The following ASTN1 variants were observed in gnomAD, a reference collection of about 807,000 sequenced individuals.
ASTN1 encodes astrotactin 1.
A neutral mutation model predicts 140.7 loss-of-function variants in ASTN1; 41 were observed. The ratio of observed to expected loss-of-function variants is 0.29; its 90% CI spans 0.23 to 0.38. The LOEUF is 0.38. Among genes scored for constraint, ASTN1 ranks in the 10% least tolerant of loss-of-function variants. The probability of loss-of-function intolerance (pLI) is 1.00; values close to 1 mark genes in which losing one functional copy is unlikely to be tolerated. For synonymous variants in ASTN1, 640 were observed against 652.2 expected (o/e 0.98, Z 0.29); for missense variants, 1,479 against 1,678.8 (o/e 0.88, Z 2.08).
At chr1:176,909,279 A>G (rs1557952014) in intron 16 of ASTN1, among the ~76,000 whole-genome samples, 1 of 152,208 alleles carries the variant, frequency 6.6e-6, no homozygotes, top group African/African-American at 2.4e-5. Flanking sequence ...GTTGGTGACA[A>G]TGGGCTTCCA....
chr1:177,164,589 A>G lies in ASTN1; in HGVS notation c.88T>C (p.Ser30Pro), dbSNP rs1446244044. 1 of 1,613,320 alleles carries G rather than the reference A, an allele frequency of 6.2e-7. No individual in the cohort carries two copies. The highest frequency in any genetic ancestry group is 1.3e-5 in the African/African-American group (1 of 74,812). ...LATAAGDVDP[S>P]KELECKLKSI... Reference sequence around the variant, plus strand: ...TTGAGCTTGCACTCCAGCTCCTTGGATGGATCCACGTCGCCGGCGGCCGTG... The same window carrying G: ...TTGAGCTTGCACTCCAGCTCCTTGGGTGGATCCACGTCGCCGGCGGCCGTG... Residue 30 changes from serine to proline, a missense_variant, in exon 1 of 23, where the codon TCC becomes CCC. By Grantham distance (74) the Ser-to-Pro change is moderately conservative. Around this residue, in one of 3 missense-constraint regions of ASTN1, gnomAD observed 729 missense variants for 860.4 expected, o/e 0.85. Coordinates refer to ENST00000361833, the MANE Select transcript of ASTN1 (RefSeq NM_004319.3).
chr1:177,025,810 T>G (rs1676079902), intron 5 of ASTN1, among the ~76,000 whole-genome samples: 1 of 152,174 alleles, frequency 6.6e-6, no homozygotes, highest in African/African-American at 2.4e-5. Context: ...AATTAACACT[T>G]ATGAAGTGAT....
chr1:176,872,194 C>T (rs1011901740), intron 21 of ASTN1, among the ~76,000 whole-genome samples: 1 of 145,290 alleles, frequency 6.9e-6, no homozygotes, highest in African/African-American at 2.6e-5. Context: ...AATGTCAAAC[C>T]TTTTTTTTTT....
chr1:176,931,972 G>A (rs2103088407), intron 16 of ASTN1, among the ~76,000 whole-genome samples: 1 of 152,308 alleles, frequency 6.6e-6, no homozygotes, highest in African/African-American at 2.4e-5. Flanking sequence ...AACTGTCGGG[G>A]CTGGAGAACT....
At chr1:177,071,858 C>T (rs1053238789) in intron 1 of ASTN1, among the ~76,000 whole-genome samples, 7 of 152,092 alleles carry the variant, frequency 4.6e-5, no homozygotes, top group Non-Finnish European at 8.8e-5. Flanking sequence ...CATCATTCAG[C>T]CTGAGAAAGT....
Position 177,067,885 on chromosome 1 carries a change from G to A in ASTN1, c.284-6620C>T, listed in dbSNP as rs114714138. ...AAAAGTGAGGAAATGAGACTAACCC[G>A]GGAAACAATGGCCCTTGGACTGAGC... is the stretch of plus-strand genomic sequence containing the variant. On this transcript the variant is annotated intron_variant, in intron 1 of 22. Coordinates refer to ENST00000361833, the MANE Select transcript of ASTN1 (RefSeq NM_004319.3). 6.6e-3 allele frequency among the ~76,000 whole-genome samples: 1,000 copies of A among 151,708 alleles called. 8 individuals carry two copies. Among genetic ancestry groups the A allele is most frequent in the African/African-American group, 0.023 (960 of 41,516 alleles).
intron 16 of ASTN1, among the ~76,000 whole-genome samples, chr1:176,930,474 C>T (rs1301396113): frequency 6.6e-6 from 1 of 152,064 alleles, no homozygotes; most frequent in African/African-American, 2.4e-5. Context: ...GACAAAACCC[C>T]ATGAAATGAC....
At chr1:176,882,810 C>T (rs1668862317) in intron 20 of ASTN1, 49 bp downstream of exon 20, 2 of 1,610,424 alleles carry the variant, frequency 1.2e-6, no homozygotes, top group Middle Eastern at 1.7e-4. Context: ...GGTAAGAAGC[C>T]TTGGGACTGT....
At chr1:177,126,489 G>A (rs890803848) in intron 1 of ASTN1, among the ~76,000 whole-genome samples, 1 of 152,194 alleles carries the variant, frequency 6.6e-6, no homozygotes, top group Admixed American at 6.5e-5. Context: ...CAGGAGCCAG[G>A]TGATGCAACC....
At chr1:177,091,461 C>T (rs1679746835) in intron 1 of ASTN1, among the ~76,000 whole-genome samples, 1 of 152,150 alleles carries the variant, frequency 6.6e-6, no homozygotes, top group African/African-American at 2.4e-5. Flanking sequence ...CTTCTGAGTG[C>T]TGACTGTCAT....
chr1:177,082,174 T>C (rs1403609760), intron 1 of ASTN1, among the ~76,000 whole-genome samples: 2 of 152,152 alleles, frequency 1.3e-5, no homozygotes, highest in Non-Finnish European at 2.9e-5. Flanking sequence ...TCTAAAGGCA[T>C]GCACAAGTGA....
At chr1:176,871,456 G>A (rs574632976) in intron 21 of ASTN1, among the ~76,000 whole-genome samples, 8 of 152,262 alleles carry the variant, frequency 5.3e-5, no homozygotes, top group African/African-American at 7.2e-5. Flanking sequence ...TAGTCTTTGC[G>A]GAGGAGCAGT....
chr1:176,950,538 T>C (rs997504732), intron 11 of ASTN1, among the ~76,000 whole-genome samples: 1 of 152,160 alleles, frequency 6.6e-6, no homozygotes, highest in Non-Finnish European at 1.5e-5. Context: ...AGGACACCAT[T>C]AACATTGCCA....
intron 19 of ASTN1, among the ~76,000 whole-genome samples, chr1:176,883,822 T>C (rs1187191029): frequency 6.6e-6 from 1 of 151,208 alleles, no homozygotes; most frequent in Non-Finnish European, 1.5e-5. Flanking sequence ...TTTCATGGGG[T>C]GTTTCCATTT....
intron 8 of ASTN1, among the ~76,000 whole-genome samples, chr1:177,008,840 G>A (rs529766234): frequency 1.4e-4 from 21 of 152,230 alleles, no homozygotes; most frequent in Non-Finnish European, 2.2e-4. Flanking sequence ...CTGGGCTGGA[G>A]GGCAGGAAAC....
rs191766529 is a variant in ASTN1, at chr1:176,956,323, C to T, written c.1887+1355G>A. Among the ~76,000 whole-genome samples the T allele has an allele frequency of 2.6e-5, 4 of 152,198 alleles. No homozygotes were observed. The East Asian group carries it at 7.8e-4, about 29-fold the overall frequency. On this transcript the variant is annotated intron_variant, in intron 11 of 22. Transcript: ENST00000361833. The stretch of plus-strand genomic sequence containing the variant: ...ATCAGCCTCCTGTCAACTGCTGCCT[C>T]ATAGGTAAAAGTCTGGGGAGGCCTT...
chr1:177,026,188 T>A (rs954388056), intron 5 of ASTN1, among the ~76,000 whole-genome samples: 1 of 152,220 alleles, frequency 6.6e-6, no homozygotes. Context: ...GAAGGTAGTC[T>A]CTGGGTCCTC....
At chr1:177,063,900 G>C (rs1342063056) in intron 1 of ASTN1, among the ~76,000 whole-genome samples, 1 of 152,086 alleles carries the variant, frequency 6.6e-6, no homozygotes, top group Non-Finnish European at 1.5e-5. Flanking sequence ...CATTCCACCC[G>C]AGGGCAGGAT....
intron 7 of ASTN1, among the ~76,000 whole-genome samples, chr1:177,019,732 T>A (rs1274624449): frequency 6.6e-6 from 1 of 152,212 alleles, no homozygotes; most frequent in East Asian, 1.9e-4. Context: ...AGAGGGAGGC[T>A]GGAATGAAAA....
Sources: gnomAD v4.1 joint callset for allele counts (sites outside exome capture counted in the v4.1 genomes callset) on GRCh38, gnomAD v4.1.1 for gene constraint, gnomAD v4.1.1 regional missense constraint, MANE v1.5 for transcripts, NCBI Gene and HGNC (gene_info 2026-07-23, HGNC 2026-07-21) for gene names.